Variants in NDUFA13 observed in about 807,000 individuals in gnomAD.
NDUFA13 encodes NADH dehydrogenase [ubiquinone] 1 alpha subcomplex subunit 13.
Under a neutral mutation model 17.0 loss-of-function variants are expected in NDUFA13, and 16 were observed. The observed-to-expected ratio is 0.94, with a 90% CI of 0.64 to 1.43. The LOEUF (loss-of-function observed/expected upper bound fraction) is 1.43. Among genes scored for constraint, NDUFA13 ranks in the 40% most tolerant of loss-of-function variants. The pLI is 0.00. For missense variants in NDUFA13, 228 were observed against 206.7 expected (o/e 1.10, Z -0.63); for synonymous variants, 87 against 78.4 (o/e 1.11, Z -0.58).
At position 19,520,229 on chromosome 19, in the gene NDUFA13, C is replaced by T. The variant is rs544191644; in HGVS notation, c.94+3897C>T. Among the ~76,000 whole-genome samples the T allele has an allele frequency of 4.6e-5, 7 of 152,244 alleles. No individual in the cohort carries two copies. In the South Asian group the frequency reaches 1.5e-3, roughly 32 times the overall value. ...ATCTCCCACACCCAGTTCTCCTGTC[C>T]CCACTCCCTCCTGAGCCTAGCAGGC... On this transcript the variant is annotated intron_variant, in intron 1 of 4. Coordinates refer to ENST00000507754, the MANE Select transcript of NDUFA13 (RefSeq NM_015965.7).
intron 1 of NDUFA13, 97 bp downstream of exon 1, chr19:19,516,429 T>C: frequency 7.4e-7 from 1 of 1,355,178 alleles, no homozygotes; most frequent in Admixed American, 1.9e-5. Context: ...TTCCCGGCGG[T>C]GTGACCGGAG....
intron 1 of NDUFA13, among the ~76,000 whole-genome samples, chr19:19,518,360 G>C (rs762906668): frequency 6.9e-6 from 1 of 145,292 alleles, no homozygotes; most frequent in South Asian, 2.2e-4. Flanking sequence ...TCAGCCTCCC[G>C]AGTAGCTGGG....
intron 1 of NDUFA13, among the ~76,000 whole-genome samples, chr19:19,523,436 A>G (rs2061087090): frequency 6.8e-6 from 1 of 147,724 alleles, no homozygotes; most frequent in Non-Finnish European, 1.5e-5. Context: ...TGAAAAATAT[A>G]TTTTTCTTTT....
Position 19,524,604 on chromosome 19 carries a change from G to A in NDUFA13, c.95-1578G>A, listed in dbSNP as rs2061092326. 2.0e-5 allele frequency among the ~76,000 whole-genome samples: 3 copies of A among 152,072 alleles called. No individual in the cohort carries two copies. The South Asian group carries it at 6.2e-4, about 32-fold the overall frequency. On this transcript the variant is annotated intron_variant, in intron 1 of 4. Transcript: ENST00000507754. ...AGGTGGATCATGAGGTCAGGAGGTC[G>A]TAACCAGCCTGGCCAATATGGTGAA...
intron 3 of NDUFA13, 33 bp downstream of exon 3, chr19:19,527,385 CTGGCCGGAA>C: frequency 6.2e-7 from 1 of 1,612,452 alleles, no homozygotes. Flanking sequence ...TGGGAGGTCA[CTGGCCGGAA>C]GGCCCCAGGC....
At position 19,526,266 on chromosome 19, in the gene NDUFA13, G is replaced by A. The variant is rs1177267870; in HGVS notation, c.173+6G>A. ...AAGTGGAACCGTGAGCGCAGGTAGG[G>A]CCCCTGGTGGGCGTTGTCTGAAAGT... is the stretch of plus-strand genomic sequence containing the variant. On this transcript the variant is annotated splice_donor_region_variant and intron_variant, in intron 2 of 4. Transcript: ENST00000507754. 2 of 1,613,916 alleles carry A rather than the reference G, an allele frequency of 1.2e-6. No individual in the cohort carries two copies. Among genetic ancestry groups the A allele is most frequent in the East Asian group, 2.2e-5 (1 of 44,874 alleles).
At chr19:19,527,446 C>G (rs1040840420) in intron 3 of NDUFA13, 94 bp downstream of exon 3, 3 of 1,441,742 alleles carry the variant, frequency 2.1e-6, no homozygotes, top group South Asian at 1.1e-5. Context: ...CCAGAATGCA[C>G]GTGGGGGCCA....
intron 1 of NDUFA13, among the ~76,000 whole-genome samples, chr19:19,524,442 G>A (rs956142317): frequency 6.6e-6 from 1 of 152,214 alleles, no homozygotes; most frequent in Non-Finnish European, 1.5e-5. Context: ...TGAGGGTGCA[G>A]GTTCTCCCCA....
chr19:19,522,290 G>A (rs905258045), intron 1 of NDUFA13, among the ~76,000 whole-genome samples: 1 of 151,902 alleles, frequency 6.6e-6, no homozygotes, highest in East Asian at 2.0e-4. Context: ...GGGCCACAGA[G>A]TGAGACTCCA....
chr19:19,522,912 C>T (rs1806232072), intron 1 of NDUFA13, among the ~76,000 whole-genome samples: 1 of 152,198 alleles, frequency 6.6e-6, no homozygotes, highest in African/African-American at 2.4e-5. Context: ...TATCTTGGCA[C>T]CTTTGTCCAA....
intron 1 of NDUFA13, among the ~76,000 whole-genome samples, chr19:19,521,337 G>C (rs1427467442): frequency 6.6e-6 from 1 of 152,232 alleles, no homozygotes; most frequent in Non-Finnish European, 1.5e-5. Context: ...GCATATCACT[G>C]CTGGCTGATG....
chr19:19,524,250 A>G (rs1161746667), intron 1 of NDUFA13, among the ~76,000 whole-genome samples: 3 of 152,250 alleles, frequency 2.0e-5, no homozygotes, highest in African/African-American at 7.2e-5. Context: ...GGCGAGGAGG[A>G]AGAGCCCTGT....
chr19:19,523,778 A>C (rs1390403950), intron 1 of NDUFA13, among the ~76,000 whole-genome samples: 1 of 152,136 alleles, frequency 6.6e-6, no homozygotes, highest in Non-Finnish European at 1.5e-5. Flanking sequence ...AAAATACAAA[A>C]ATTTAGCTGG....
In NDUFA13 at chr19:19,521,666, G is replaced by T. The variant is rs1218911981; in HGVS notation, c.95-4516G>T. 7.8e-5 allele frequency among the ~76,000 whole-genome samples: 3 copies of T among 38,416 alleles called. No homozygotes were observed. The East Asian group carries it at 2.0e-3, about 25-fold the overall frequency. The allele number at this position is 38,416 out of a possible 152,430, so 25.2% of individuals were successfully genotyped here. ...CGCCCGGGCTGGAGTGTAGTGGCAC[G>T]ATCTCTGCTCACTGCAAGCTCCGCC... On this transcript the variant is annotated intron_variant, in intron 1 of 4. Transcript: ENST00000507754.
intron 1 of NDUFA13, among the ~76,000 whole-genome samples, chr19:19,520,760 C>G (rs1374549323): frequency 1.3e-5 from 2 of 152,150 alleles, no homozygotes. Flanking sequence ...CCCCGTCTTC[C>G]CTATTAGCAA....
intron 1 of NDUFA13, among the ~76,000 whole-genome samples, chr19:19,519,088 A>G (rs942561419): frequency 7.9e-6 from 1 of 126,804 alleles, no homozygotes; most frequent in African/African-American, 3.1e-5. Context: ...ACAGGGTTTC[A>G]CCATGTAGGC....
intron 1 of NDUFA13, chr19:19,525,910 C>A: frequency 1.1e-6 from 1 of 880,462 alleles, no homozygotes; most frequent in Non-Finnish European, 1.6e-6. Context: ...CAGGGCCAGC[C>A]TGCCGCCCAG....
intron 1 of NDUFA13, among the ~76,000 whole-genome samples, chr19:19,517,424 C>G (rs1375680191): frequency 6.6e-6 from 1 of 151,308 alleles, no homozygotes; most frequent in East Asian, 2.0e-4. Context: ...CTTGCCCAGG[C>G]TGGTCTCGAA....
At chr19:19,526,527 G>C (rs1042089860) in intron 2 of NDUFA13, 1 of 510,324 alleles carries the variant, frequency 2.0e-6, no homozygotes, top group African/African-American at 1.9e-5. Flanking sequence ...AGACCAGCCT[G>C]GGCAACAGAG....
Sources: allele counts gnomAD v4.1 joint callset (sites outside exome capture counted in the v4.1 genomes callset), GRCh38; gene constraint gnomAD v4.1.1; transcripts MANE v1.5; gene names NCBI Gene and HGNC (gene_info 2026-07-23, HGNC 2026-07-21).